Variants in DNAH14 observed in about 807,000 individuals in gnomAD.
DNAH14 encodes the protein dynein axonemal heavy chain 14.
In DNAH14, 478 loss-of-function variants were observed where a neutral mutation model predicts 520.9. The observed-to-expected ratio is 0.92, with a 90% confidence interval of 0.85 to 0.99. The LOEUF is 0.99. Ranked by LOEUF, DNAH14 falls within the 50% of genes least tolerant of loss-of-function variation. The pLI is 0.00. For missense variants in DNAH14, 4,831 were observed against 5,234.5 expected (o/e 0.92, Z 2.38); for synonymous variants, 1,581 against 1,757.2 (o/e 0.90, Z 2.51).
intron 83 of DNAH14, among the ~76,000 whole-genome samples, chr1:225,390,586 A>G (rs1221428751): frequency 2.0e-5 from 3 of 152,148 alleles, no homozygotes; most frequent in Non-Finnish European, 4.4e-5. Context: ...GGAGCATAAA[A>G]CAGGGGGACC....
intron 13 of DNAH14, 101 bp downstream of exon 13, chr1:225,043,215 A>T: frequency 4.7e-6 from 5 of 1,059,852 alleles, no homozygotes; most frequent in African/African-American, 3.4e-5. Context: ...GGATCACTTG[A>T]TGCCAGAAGT....
At chr1:225,339,604 A>G (rs1435199595) in intron 68 of DNAH14, among the ~76,000 whole-genome samples, 1 of 152,198 alleles carries the variant, frequency 6.6e-6, no homozygotes, top group Non-Finnish European at 1.5e-5. Flanking sequence ...ATGCTAATGA[A>G]GTTACATTTT....
chr1:224,959,939 C>T (rs1014844422), intron 3 of DNAH14, among the ~76,000 whole-genome samples: 1 of 152,106 alleles, frequency 6.6e-6, no homozygotes, highest in Non-Finnish European at 1.5e-5. Context: ...GAAAGCAAGG[C>T]AGATAGGTAA....
At chr1:225,381,709 T>G in intron 81 of DNAH14, 130 bp downstream of exon 81, 1 of 765,288 alleles carries the variant, frequency 1.3e-6, no homozygotes, top group Non-Finnish European at 2.0e-6. Context: ...CTGACGTACT[T>G]TTTCATATTT....
At chr1:225,387,333 T>C (rs1458474570) in intron 81 of DNAH14, among the ~76,000 whole-genome samples, 1 of 152,078 alleles carries the variant, frequency 6.6e-6, no homozygotes, top group Non-Finnish European at 1.5e-5. Flanking sequence ...CATGTATACA[T>C]ATGTACCAAA....
chr1:225,290,687 ATATAT>A (rs1574553730), intron 55 of DNAH14, among the ~76,000 whole-genome samples: 1 of 110,594 alleles, frequency 9.0e-6, no homozygotes, highest in East Asian at 2.6e-4. Context: ...ATATATATAT[ATATAT>A]ATTTCCTCCA....
intron 7 of DNAH14, among the ~76,000 whole-genome samples, chr1:224,971,846 T>A (rs191049445): frequency 6.6e-6 from 1 of 152,362 alleles, no homozygotes; most frequent in East Asian, 1.9e-4. Flanking sequence ...GTAGTGTAGA[T>A]GACTGAGTAA....
chr1:225,225,930 C>T (rs77647171), intron 41 of DNAH14, among the ~76,000 whole-genome samples: 4,124 of 152,252 alleles, frequency 0.027, 79 homozygotes, highest in Non-Finnish European at 0.038. Flanking sequence ...ATGCAGCTTC[C>T]TCAGACAACA....
At chr1:225,085,896 A>G in intron 21 of DNAH14, 107 bp downstream of exon 21, 1 of 1,095,710 alleles carries the variant, frequency 9.1e-7, no homozygotes, top group Non-Finnish European at 1.2e-6. Flanking sequence ...AATCATTCAT[A>G]TACTTATATA....
chr1:225,156,302 A>T (rs910858632), intron 34 of DNAH14, among the ~76,000 whole-genome samples: 2 of 152,150 alleles, frequency 1.3e-5, no homozygotes, highest in African/African-American at 4.8e-5. Context: ...GTTGTGTCTT[A>T]AAAAAACAGA....
chr1:225,366,480 T>A (rs149161842), intron 76 of DNAH14, among the ~76,000 whole-genome samples: 1 of 152,286 alleles, frequency 6.6e-6, no homozygotes, highest in African/African-American at 2.4e-5. Flanking sequence ...GACACCTACT[T>A]TTAGAGATAT....
At chr1:225,122,788 A>C (rs1356258472) in intron 26 of DNAH14, among the ~76,000 whole-genome samples, 2 of 152,194 alleles carry the variant, frequency 1.3e-5, no homozygotes, top group Non-Finnish European at 2.9e-5. Flanking sequence ...TGATAAAAAA[A>C]CAAAAATAGA....
intron 21 of DNAH14, among the ~76,000 whole-genome samples, chr1:225,096,170 C>T (rs1172817997): frequency 1.3e-5 from 2 of 151,774 alleles, no homozygotes; most frequent in African/African-American, 4.8e-5. Flanking sequence ...TTAGTGGAGA[C>T]GGGGTTTCAC....
intron 49 of DNAH14, among the ~76,000 whole-genome samples, chr1:225,269,972 G>A (rs932708049): frequency 6.6e-6 from 1 of 152,262 alleles, no homozygotes; most frequent in South Asian, 2.1e-4. Flanking sequence ...CCATTACTGG[G>A]TATATACTCA....
chr1:224,985,884 T>A (rs1289849466), intron 8 of DNAH14, among the ~76,000 whole-genome samples: 7 of 150,880 alleles, frequency 4.6e-5, no homozygotes, highest in Non-Finnish European at 8.9e-5. Flanking sequence ...TAAAAAAAAA[T>A]GAAGCATGCC....
chr1:225,331,501 T>C lies in DNAH14; in HGVS notation c.9788T>C (p.Leu3263Ser), dbSNP rs188862661. 6.4e-6 allele frequency: 10 copies of C among 1,551,448 alleles called. No individual in the cohort carries two copies. In the East Asian group the frequency reaches 2.0e-4, roughly 30 times the overall value. Residue 3263 changes from leucine to serine, a missense_variant, in exon 65 of 86, where the codon TTA becomes TCA. Transcript: ENST00000682510. Reference protein sequence around the residue: ...YKDTVAEKQLLANRKTMASRR... With the variant: ...YKDTVAEKQLSANRKTMASRR... ...GATACCGTTGCTGAAAAACAACTAT[T>C]AGCAAATCGGAAAACAATGGCCAGC...
At chr1:224,930,960 G>A (rs2058661121) in intron 1 of DNAH14, among the ~76,000 whole-genome samples, 2 of 152,150 alleles carry the variant, frequency 1.3e-5, no homozygotes, top group South Asian at 4.1e-4. Flanking sequence ...AATGTTACCT[G>A]TAAAACAGCC....
intron 10 of DNAH14, among the ~76,000 whole-genome samples, chr1:225,020,512 A>AAG (rs2065593893): frequency 1.3e-5 from 2 of 149,226 alleles, no homozygotes. Context: ...AAAAAAAAAA[A>AAG]AAAACAACTC....
At chr1:225,004,438 G>T (rs1020674237) in intron 9 of DNAH14, among the ~76,000 whole-genome samples, 7 of 152,154 alleles carry the variant, frequency 4.6e-5, no homozygotes, top group African/African-American at 1.4e-4. Context: ...GGCTGTGCTG[G>T]ATTTGAATAG....
Sources: allele counts gnomAD v4.1 joint callset (sites outside exome capture counted in the v4.1 genomes callset), GRCh38; gene constraint gnomAD v4.1.1; transcripts MANE v1.5; gene names NCBI Gene and HGNC (gene_info 2026-07-23, HGNC 2026-07-21).